The following PHACTR2 variants were observed in gnomAD, a reference collection of about 807,000 sequenced individuals.
The protein encoded by PHACTR2 is phosphatase and actin regulator 2.
In PHACTR2, 30 loss-of-function variants were observed where a neutral mutation model predicts 76.0. The observed-to-expected ratio is 0.39, with a 90% CI of 0.30 to 0.54. PHACTR2 has a LOEUF of 0.54. Among genes scored for constraint, PHACTR2 ranks in the 20% least tolerant of loss-of-function variants. The pLI is 0.61. For synonymous variants in PHACTR2, 292 were observed against 292.5 expected, an observed-to-expected ratio of 1.00 and a Z score of 0.02; for missense variants, 696 against 781.1, an observed-to-expected ratio of 0.89 and a Z score of 1.30.
upstream of PHACTR2, among the ~76,000 whole-genome samples, chr6:143,605,241 G>A (rs147843848): frequency 1.5e-4 from 23 of 152,240 alleles, no homozygotes; most frequent in African/African-American, 4.6e-4. The surrounding 1 kb of genome is among the most constrained non-coding windows in gnomAD (Gnocchi z 5.0). Context: ...CAAGTTTGTC[G>A]AACTCTAGGC....
At chr6:143,655,619 A>G (rs1337425167) in intron 1 of PHACTR2, among the ~76,000 whole-genome samples, 1 of 152,254 alleles carries the variant, frequency 6.6e-6, no homozygotes, top group African/African-American at 2.4e-5. Flanking sequence ...CTTAGAAAAC[A>G]TCCAAAGCAA....
intron 2 of PHACTR2, among the ~76,000 whole-genome samples, chr6:143,728,566 T>C (rs1472777626): frequency 6.6e-6 from 1 of 152,224 alleles, no homozygotes; most frequent in East Asian, 1.9e-4. Context: ...GGAAGCATCA[T>C]AGTACCTGAC....
chr6:143,678,292 G>T lies in PHACTR2; in HGVS notation c.46+83G>T, dbSNP rs1367965975. 4.7e-5 allele frequency: 60 copies of T among 1,286,378 alleles called. No individual in the cohort carries two copies. The highest frequency in any genetic ancestry group is 5.8e-5 in the Non-Finnish European group (57 of 984,616). 79.7% of individuals were successfully genotyped at this position (1,286,378 alleles called of 1,614,324 possible). On this transcript the variant is annotated intron_variant, in intron 1 of 12. Transcript: ENST00000440869. This position sits in a 1 kb window ranked among gnomAD's most constrained non-coding sequence, Gnocchi z 6.2. ...GGCCCCGGGGCAGGCAGGGTTAGTC[G>T]TCTGGTCGGGTTCCGCTCGGACCCG...
rs958782400 is a variant in PHACTR2 at position 143,722,239 on chromosome 6, A to C, written c.214+10056A>C. On this transcript the variant is annotated intron_variant, in intron 2 of 12. Transcript: ENST00000440869. This position sits in a 1 kb window ranked among gnomAD's most constrained non-coding sequence, Gnocchi z 4.1. Reference sequence around the variant, plus strand: ...AATATATTTTCTGTTCTTTCTCTGTACCCTCATGTGGATATATGTACATAT... The same window carrying C: ...AATATATTTTCTGTTCTTTCTCTGTCCCCTCATGTGGATATATGTACATAT... 6.6e-6 allele frequency among the ~76,000 whole-genome samples: 1 copy of C among 151,852 alleles called. No homozygotes were observed. Among genetic ancestry groups the C allele is most frequent in the East Asian group, 1.9e-4 (1 of 5,180 alleles).
chr6:143,764,102 T>C lies in PHACTR2; in HGVS notation c.695-1159T>C, dbSNP rs1351411115. Among the ~76,000 whole-genome samples, 1 of 152,230 alleles carries C rather than the reference T, an allele frequency of 6.6e-6. No individual in the cohort carries two copies. Among genetic ancestry groups the C allele is most frequent in the East Asian group, 1.9e-4 (1 of 5,206 alleles). ...TGCCCTATCCGGAAGTAGGCAAATA[T>C]ACCATAGCTATCCTTCGATGAAGAC... is the stretch of plus-strand genomic sequence containing the variant. On this transcript the variant is annotated intron_variant, in intron 5 of 12. Coordinates refer to ENST00000440869, the MANE Select transcript of PHACTR2 (RefSeq NM_001100164.2). This position sits in a 1 kb window ranked among gnomAD's most constrained non-coding sequence, Gnocchi z 4.7.
intron 1 of PHACTR2, among the ~76,000 whole-genome samples, chr6:143,601,433 CTTGCAGGTTT>C (rs1245576286): frequency 6.6e-6 from 1 of 152,156 alleles, no homozygotes; most frequent in African/African-American, 2.4e-5. Context: ...CAGAGGGCTG[CTTGCAGGTTT>C]TTTTAGGAGT....
intron 1 of PHACTR2, among the ~76,000 whole-genome samples, chr6:143,551,356 A>G (rs1775092526): frequency 6.6e-6 from 1 of 152,252 alleles, no homozygotes; most frequent in African/African-American, 2.4e-5. Flanking sequence ...TAATGTAAGA[A>G]GTATGTGAAT....
At chr6:143,666,067 CCTCT>C (rs1344425688) in intron 1 of PHACTR2, among the ~76,000 whole-genome samples, 1 of 151,724 alleles carries the variant, frequency 6.6e-6, no homozygotes, top group Non-Finnish European at 1.5e-5. Context: ...GTGATGTTCC[CCTCT>C]CTATGTCCAT....
chr6:143,577,878 C>T (rs1476835097), intron 1 of PHACTR2, among the ~76,000 whole-genome samples: 1 of 151,948 alleles, frequency 6.6e-6, no homozygotes, highest in Non-Finnish European at 1.5e-5. Context: ...AGAAGTGCAA[C>T]CAAAACCAAG....
chr6:143,814,649 C>T (rs1776260030), intron 12 of PHACTR2, among the ~76,000 whole-genome samples: 1 of 135,256 alleles, frequency 7.4e-6, no homozygotes, highest in African/African-American at 2.7e-5. Context: ...GTCGCCCAGG[C>T]TGGAGTGCAG....
rs10541081 is a variant in PHACTR2, at chr6:143,546,859, CAAAA to C, written c.217+9663_217+9666del. ...TGGGCAACATAGTGAGACCCCATCTCAAAAAAAAAAAAAATAAAAAATAAAAAAT... is the reference window on the plus strand; with the variant it reads ...TGGGCAACATAGTGAGACCCCATCTCAAAAAAAAAATAAAAAATAAAAAAT... On this transcript the variant is annotated intron_variant, in intron 1 of 11. Coordinates refer to the PHACTR2 transcript ENST00000367584. The surrounding 1 kb of genome is among the most constrained non-coding windows in gnomAD (Gnocchi z 4.9). Among the ~76,000 whole-genome samples, 1 of 140,118 alleles carries C rather than the reference CAAAA, an allele frequency of 7.1e-6. No homozygotes were observed. The highest frequency in any genetic ancestry group is 2.6e-5 in the African/African-American group (1 of 37,966). The allele number at this position is 140,118 out of a possible 152,430, so 91.9% of individuals were successfully genotyped here.
At chr6:143,796,380 T>TTTCC (rs1197867802) in intron 11 of PHACTR2, among the ~76,000 whole-genome samples, 1 of 20,948 alleles carries the variant, frequency 4.8e-5, no homozygotes, top group African/African-American at 1.6e-4. Context: ...TTCTTTTTCT[T>TTTCC]TTCTTTCTTT....
chr6:143,677,962 G>C, upstream of PHACTR2: 4 of 1,310,638 alleles, frequency 3.1e-6, no homozygotes, highest in Non-Finnish European at 3.9e-6. Flanking sequence ...AGGAATGACA[G>C]GCATCCGCTG....
Position 143,642,144 on chromosome 6 carries a change from T to C in PHACTR2, c.13+33822T>C, listed in dbSNP as rs560427041. ...ATGAGGTCAGGATACACTGGCCTTA[T>C]ACTGACACTGTTGTAAAATGCATAG... On this transcript the variant is annotated intron_variant, in intron 1 of 11. Transcript: ENST00000305766. Among the ~76,000 whole-genome samples the C allele has an allele frequency of 1.9e-4, 29 of 152,340 alleles. 1 individual carries two copies. The highest frequency in any genetic ancestry group is 2.9e-4 in the Non-Finnish European group (20 of 68,028).
At position 143,791,364 on chromosome 6, in the gene PHACTR2, G is replaced by C. The variant is rs1775686020; in HGVS notation, c.1845+2454G>C. On this transcript the variant is annotated intron_variant, in intron 11 of 12. Transcript: ENST00000440869. The surrounding 1 kb of genome is among the most constrained non-coding windows in gnomAD (Gnocchi z 4.7). ...TTTCTGATACAAGCACTGAAGGTTA[G>C]AAATGACTCTGTGTGTCAGTGATTT... Among the ~76,000 whole-genome samples the C allele has an allele frequency of 3.9e-5, 6 of 152,160 alleles. No homozygotes were observed. Among genetic ancestry groups the C allele is most frequent in the Admixed American group, 2.0e-4 (3 of 15,278 alleles).
rs1267688460 is a variant in PHACTR2, at chr6:143,739,052, TTTATTTATTTA to T, written c.215-9919_215-9909del. 6.6e-6 allele frequency among the ~76,000 whole-genome samples: 1 copy of T among 152,136 alleles called. No individual in the cohort carries two copies. The highest frequency in any genetic ancestry group is 2.4e-5 in the African/African-American group (1 of 41,438). On this transcript the variant is annotated intron_variant, in intron 2 of 12. Coordinates refer to ENST00000440869, the MANE Select transcript of PHACTR2 (RefSeq NM_001100164.2). This position sits in a 1 kb window ranked among gnomAD's most constrained non-coding sequence, Gnocchi z 4.3. ...ATTACCATTTACAGCTGAGATTCAC[TTTATTTATTTA>T]TTATTTATTTATTTATTTTTGAGAC...
chr6:143,700,973 A>G lies in PHACTR2; in HGVS notation c.47-11043A>G, dbSNP rs1777899292. ...TAGAGACAACCCTTCCCTTGTAGCG[A>G]TAACAGTGGCATTCAAAACGTAAAA... On this transcript the variant is annotated intron_variant, in intron 1 of 12. Transcript: ENST00000440869. This position sits in a 1 kb window ranked among gnomAD's most constrained non-coding sequence, Gnocchi z 4.1. Among the ~76,000 whole-genome samples the G allele has an allele frequency of 6.6e-6, 1 of 152,256 alleles. No homozygotes were observed. Among genetic ancestry groups the G allele is most frequent in the Non-Finnish European group, 1.5e-5 (1 of 68,046 alleles).
intron 7 of PHACTR2, among the ~76,000 whole-genome samples, chr6:143,773,503 T>G (rs1775200892): frequency 6.6e-6 from 1 of 151,158 alleles, no homozygotes. Flanking sequence ...ATGGCACTTT[T>G]TCAAATCCCT....
At chr6:143,691,762 G>A (rs549799638) in intron 1 of PHACTR2, among the ~76,000 whole-genome samples, 2 of 152,208 alleles carry the variant, frequency 1.3e-5, no homozygotes, top group South Asian at 2.1e-4. Context: ...GAAAATAGCT[G>A]TTTAATAATG....
Sources: allele counts gnomAD v4.1 joint callset (sites outside exome capture counted in the v4.1 genomes callset), GRCh38; gene constraint gnomAD v4.1.1; non-coding constraint Gnocchi (gnomAD v3.1); transcripts MANE v1.5; gene names NCBI Gene and HGNC (gene_info 2026-07-23, HGNC 2026-07-21).